The following PCDHGB6 variants were observed in gnomAD, a reference collection of about 807,000 sequenced individuals.
The protein encoded by PCDHGB6 is protocadherin gamma subfamily B, 6.
A neutral mutation model predicts 59.1 loss-of-function variants in PCDHGB6; 51 were observed. The observed-to-expected ratio is 0.86, with a 90% confidence interval of 0.69 to 1.09. PCDHGB6 has a LOEUF of 1.09. Among genes scored for constraint, PCDHGB6 ranks in the 50% least tolerant of loss-of-function variants. The probability of loss-of-function intolerance (pLI) is 0.00; values close to 1 mark genes in which losing one functional copy is unlikely to be tolerated. For synonymous variants in PCDHGB6, 466 were observed against 495.1 expected, an observed-to-expected ratio of 0.94 and a Z score of 0.78; for missense variants, 1,148 against 1,205.1, an observed-to-expected ratio of 0.95 and a Z score of 0.70.
At chr5:141,452,966 G>T (rs996204633) in intron 1 of PCDHGB6, among the ~76,000 whole-genome samples, 6 of 152,098 alleles carry the variant, frequency 3.9e-5, no homozygotes, top group Admixed American at 1.3e-4. Context: ...TAAACTGAGG[G>T]TATATTGTCA....
intron 1 of PCDHGB6, among the ~76,000 whole-genome samples, chr5:141,492,886 C>A (rs1479930324): frequency 6.6e-6 from 1 of 152,178 alleles, no homozygotes; most frequent in African/African-American, 2.4e-5. Context: ...GAGATACAGG[C>A]TTTTGGCGCC....
chr5:141,422,549 TGAA>T (rs1554114956), intron 1 of PCDHGB6: 8 of 1,614,026 alleles, frequency 5.0e-6, no homozygotes, highest in Non-Finnish European at 6.8e-6. Flanking sequence ...CATGTCTGGC[TGAA>T]TGTGGCAGAT....
Position 141,476,698 on chromosome 5 carries a change from G to T in PCDHGB6, c.2419-18109G>T. The T allele has an allele frequency of 4.3e-6, 7 of 1,614,056 alleles. No homozygotes were observed. Among genetic ancestry groups the T allele is most frequent in the Non-Finnish European group, 5.9e-6 (7 of 1,179,986 alleles). ...CGCGGGAGGACAGCACCAAGTACGC[G>T]GAGCTGGTGTTGGAGCGCGCCCTGG... On this transcript the variant is annotated intron_variant, in intron 1 of 3. Coordinates refer to ENST00000520790, the MANE Select transcript of PCDHGB6 (RefSeq NM_018926.3). The surrounding 1 kb of genome is among the most constrained non-coding windows in gnomAD (Gnocchi z 7.6).
intron 1 of PCDHGB6, chr5:141,428,368 C>A (rs1403173774): frequency 1.3e-5 from 7 of 544,884 alleles, no homozygotes; most frequent in Non-Finnish European, 2.4e-5. Flanking sequence ...GGTCGCCTTG[C>A]ACCTGCGATG....
At position 141,409,941 on chromosome 5, in the gene PCDHGB6, G is replaced by C. The variant is rs757414302; in HGVS notation, c.1739G>C (p.Arg580Pro). ...TCCGCGTTCTTCGATATGGTACCTC[G>C]CTCTGCAGAGCCCGGCTACCTAGTG... ...DGSAFFDMVP[R>P]SAEPGYLVTK... Residue 580 changes from arginine (R) to proline (P), a missense_variant, in exon 1 of 4, where the codon CGC becomes CCC. By Grantham distance (103) the Arg-to-Pro change is moderately radical (BLOSUM62 -2). Transcript: ENST00000520790. 1.9e-6 allele frequency: 3 copies of C among 1,613,226 alleles called. No homozygotes were observed. In the South Asian group the frequency reaches 3.3e-5, roughly 18 times the overall value.
chr5:141,434,802 G>A (rs1009500775), intron 1 of PCDHGB6, among the ~76,000 whole-genome samples: 10 of 151,488 alleles, frequency 6.6e-5, no homozygotes, highest in African/African-American at 2.4e-4. Flanking sequence ...TTCTGAGCTT[G>A]GAGAAATATA....
At position 141,476,097 on chromosome 5, in the gene PCDHGB6, A is replaced by G. The variant is rs1366023758; in HGVS notation, c.2419-18710A>G. 1 of 1,571,812 alleles carries G rather than the reference A, an allele frequency of 6.4e-7. No individual in the cohort carries two copies. Among genetic ancestry groups the G allele is most frequent in the African/African-American group, 1.4e-5 (1 of 73,826 alleles). ...CAGGGACGATCTGGACCCCGCTGAG[A>G]GGAACTGCTTTTGAGTGAGATGGTC... On this transcript the variant is annotated intron_variant, in intron 1 of 3. Coordinates refer to ENST00000520790, the MANE Select transcript of PCDHGB6 (RefSeq NM_018926.3). The surrounding 1 kb of genome is among the most constrained non-coding windows in gnomAD (Gnocchi z 7.6).
At chr5:141,469,552 C>T (rs956606902) in intron 1 of PCDHGB6, among the ~76,000 whole-genome samples, 3 of 151,910 alleles carry the variant, frequency 2.0e-5, no homozygotes, top group Non-Finnish European at 4.4e-5. Flanking sequence ...TCCAGCCTGG[C>T]GACAGAGTGA....
intron 1 of PCDHGB6, chr5:141,478,592 TC>T: frequency 6.4e-7 from 1 of 1,570,334 alleles, no homozygotes; most frequent in Non-Finnish European, 8.6e-7. Flanking sequence ...GCTTTTTTAT[TC>T]CTACATCATA....
In PCDHGB6 at chr5:141,485,520, T is replaced by G. The variant is rs2099615008; in HGVS notation, c.2419-9287T>G. On this transcript the variant is annotated intron_variant, in intron 1 of 3. Transcript: ENST00000520790. This position sits in a 1 kb window ranked among gnomAD's most constrained non-coding sequence, Gnocchi z 5.7. ...TTTGTCACCGAAGGTCCTTTGGAAA[T>G]GTACCGAGCAGAGGTAGAGATCGTA... 1 of 1,614,108 alleles carries G rather than the reference T, an allele frequency of 6.2e-7. No homozygotes were observed. The highest frequency in any genetic ancestry group is 8.5e-7 in the Non-Finnish European group (1 of 1,180,012).
intron 1 of PCDHGB6, chr5:141,413,515 G>C: frequency 6.2e-7 from 1 of 1,613,984 alleles, no homozygotes; most frequent in Non-Finnish European, 8.5e-7. Context: ...TAATATCCTT[G>C]TGGAAGACAG....
chr5:141,415,404 C>A lies in PCDHGB6; in HGVS notation c.2418+4784C>A, dbSNP rs199662613. On this transcript the variant is annotated intron_variant, in intron 1 of 3. Transcript: ENST00000520790. ...GCTTGACAGGTGTGTCCGGCTCGCA[C>A]TTTGTGGGCGTGGACGGGGTTCGGG... The A allele has an allele frequency of 2.2e-4, 363 of 1,614,238 alleles. 1 individual carries two copies. Among genetic ancestry groups the A allele is most frequent in the Non-Finnish European group, 6.8e-6 (8 of 1,180,048 alleles).
At chr5:141,469,314 C>A (rs982242861) in intron 1 of PCDHGB6, among the ~76,000 whole-genome samples, 1 of 151,982 alleles carries the variant, frequency 6.6e-6, no homozygotes, top group Non-Finnish European at 1.5e-5. Flanking sequence ...CGATGGCTCA[C>A]GCCTGTAATC....
chr5:141,506,471 C>T (rs2099854191), intron 3 of PCDHGB6, among the ~76,000 whole-genome samples: 2 of 148,834 alleles, frequency 1.3e-5, no homozygotes, highest in African/African-American at 5.0e-5. Flanking sequence ...AAAAAGAGCA[C>T]AGGCTTTAGA....
intron 1 of PCDHGB6, chr5:141,415,634 C>T: frequency 6.3e-7 from 1 of 1,589,948 alleles, no homozygotes; most frequent in East Asian, 2.3e-5. Flanking sequence ...TTCATTTTTA[C>T]TTTTGTTAAA....
chr5:141,419,415 C>A, intron 1 of PCDHGB6: 2 of 1,613,434 alleles, frequency 1.2e-6, no homozygotes, highest in Non-Finnish European at 1.7e-6. Flanking sequence ...GCGCAGCGCG[C>A]CTTCGACCAC....
chr5:141,423,806 T>C (rs2096783171), intron 1 of PCDHGB6: 1 of 1,251,576 alleles, frequency 8.0e-7, no homozygotes, highest in Non-Finnish European at 1.0e-6. Flanking sequence ...GCAATACATG[T>C]GAGTTTTACT....
At chr5:141,478,535 C>G (rs1359742091) in intron 1 of PCDHGB6, 1 of 1,607,794 alleles carries the variant, frequency 6.2e-7, no homozygotes, top group Non-Finnish European at 8.5e-7. Flanking sequence ...AGAGAGCGCC[C>G]CTCCCGGACA....
intron 1 of PCDHGB6, among the ~76,000 whole-genome samples, chr5:141,437,913 T>G (rs1232481433): frequency 6.6e-6 from 1 of 152,138 alleles, no homozygotes; most frequent in East Asian, 1.9e-4. Context: ...AATTTTTGTA[T>G]TTTTAGTAGA....
Sources: gnomAD v4.1 joint callset for allele counts (sites outside exome capture counted in the v4.1 genomes callset) on GRCh38, gnomAD v4.1.1 for gene constraint, Gnocchi (gnomAD v3.1) non-coding constraint, MANE v1.5 for transcripts, NCBI Gene and HGNC (gene_info 2026-07-23, HGNC 2026-07-21) for gene names.